Variants in WWOX observed in about 807,000 individuals in gnomAD.
The protein encoded by WWOX is WW domain containing oxidoreductase.
WWOX carries 69 observed loss-of-function variants against 46.2 expected under a neutral mutation model. The observed-to-expected ratio is 1.49, with a 90% CI of 1.23 to 1.82. The LOEUF is 1.82. Among genes scored for constraint, WWOX ranks in the 40% most tolerant of loss-of-function variants. WWOX has a pLI of 0.00. For synonymous variants in WWOX, 359 were observed against 202.6 expected (o/e 1.77, Z -6.56); for missense variants, 919 against 542.6 (o/e 1.69, Z -6.89).
intron 8 of WWOX, among the ~76,000 whole-genome samples, chr16:79,209,480 T>G (rs1245149183): frequency 2.0e-5 from 3 of 152,196 alleles, no homozygotes; most frequent in African/African-American, 4.8e-5. Context: ...TCATGACGTT[T>G]GAATGCTGAA....
At chr16:78,809,174 G>T (rs2051123312) in intron 8 of WWOX, among the ~76,000 whole-genome samples, 1 of 152,032 alleles carries the variant, frequency 6.6e-6, no homozygotes, top group Admixed American at 6.6e-5. Context: ...AGGAGAACTT[G>T]TGCAAATGTT....
chr16:79,026,101 C>A (rs1414036444), intron 8 of WWOX, among the ~76,000 whole-genome samples: 2 of 151,540 alleles, frequency 1.3e-5, no homozygotes, highest in African/African-American at 4.9e-5. Context: ...ATGCCCAGCC[C>A]CTGTTGCCCT....
At chr16:78,708,666 T>A (rs1597473074) in intron 8 of WWOX, among the ~76,000 whole-genome samples, 1 of 152,302 alleles carries the variant, frequency 6.6e-6, no homozygotes, top group South Asian at 2.1e-4. Context: ...ACCACTGGGA[T>A]TAGAACCCAG....
chr16:78,562,174 T>G (rs1476696769), intron 8 of WWOX, among the ~76,000 whole-genome samples: 1 of 152,172 alleles, frequency 6.6e-6, no homozygotes, highest in Non-Finnish European at 1.5e-5. Flanking sequence ...ATCTCTAGCT[T>G]CTCAAACTGT....
intron 5 of WWOX, among the ~76,000 whole-genome samples, chr16:78,290,230 C>T (rs1447794175): frequency 6.7e-6 from 1 of 148,844 alleles, no homozygotes; most frequent in Admixed American, 6.6e-5. Flanking sequence ...TTAGAGAGCA[C>T]TCTGCGAGCA....
intron 8 of WWOX, among the ~76,000 whole-genome samples, chr16:78,752,577 A>C (rs1217817460): frequency 6.6e-6 from 1 of 152,190 alleles, no homozygotes; most frequent in Non-Finnish European, 1.5e-5. Flanking sequence ...GGCCAAGAAT[A>C]TTCTTTCTAA....
chr16:78,886,856 T>A (rs2044469383), intron 8 of WWOX, among the ~76,000 whole-genome samples: 1 of 151,802 alleles, frequency 6.6e-6, no homozygotes, highest in Non-Finnish European at 1.5e-5. Flanking sequence ...TTTGTTAGAG[T>A]CTTATGGGAT....
rs116702482 is a variant in WWOX at position 79,090,908 on chromosome 16, C to T, written c.1057-120700C>T. 3.6e-3 allele frequency among the ~76,000 whole-genome samples: 554 copies of T among 152,318 alleles called. 6 individuals are homozygous for T. Among genetic ancestry groups the T allele is most frequent in the African/African-American group, 0.013 (532 of 41,584 alleles). The stretch of plus-strand genomic sequence containing the variant: ...TCCTGGGTTCAAACAATTGTCCTGC[C>T]TCAGCCTCCCAAGAAGTTGGGACTA... On this transcript the variant is annotated intron_variant, in intron 8 of 8. Transcript: ENST00000566780.
rs374591559 is a variant in WWOX at position 78,290,099 on chromosome 16, C to G, written c.517-96761C>G. On this transcript the variant is annotated intron_variant, in intron 5 of 8. Transcript: ENST00000566780. Reference sequence around the variant, plus strand: ...TATATATCCCTCTGCATATTTTGTGCCTTGTGATGTGTTTAACGAATGACA... The same window carrying G: ...TATATATCCCTCTGCATATTTTGTGGCTTGTGATGTGTTTAACGAATGACA... 2.5e-4 allele frequency among the ~76,000 whole-genome samples: 38 copies of G among 152,188 alleles called. No homozygotes were observed. The East Asian group carries it at 4.3e-3, about 17-fold the overall frequency.
At chr16:79,049,478 C>G (rs944121572) in intron 8 of WWOX, among the ~76,000 whole-genome samples, 3 of 152,142 alleles carry the variant, frequency 2.0e-5, no homozygotes, top group Admixed American at 2.0e-4. Flanking sequence ...ACAGCTGGGA[C>G]ACTCCACAGA....
chr16:78,767,317 G>A (rs1330677587), intron 8 of WWOX, among the ~76,000 whole-genome samples: 1 of 151,602 alleles, frequency 6.6e-6, no homozygotes, highest in South Asian at 2.1e-4. Flanking sequence ...TTTATTTTTA[G>A]TAGAGACAGA....
At chr16:78,257,182 G>GT (rs981641723) in intron 5 of WWOX, among the ~76,000 whole-genome samples, 3 of 151,960 alleles carry the variant, frequency 2.0e-5, no homozygotes, top group African/African-American at 7.3e-5. Context: ...CACATTGCCT[G>GT]TCATCTGTTG....
At chr16:78,394,256 C>G (rs1005682805) in intron 6 of WWOX, among the ~76,000 whole-genome samples, 2 of 152,148 alleles carry the variant, frequency 1.3e-5, no homozygotes, top group Admixed American at 6.5e-5. Context: ...CTTTGCTTCT[C>G]TACACAGTAT....
intron 8 of WWOX, among the ~76,000 whole-genome samples, chr16:78,497,411 T>G (rs2084944246): frequency 6.6e-6 from 1 of 152,170 alleles, no homozygotes; most frequent in Non-Finnish European, 1.5e-5. Context: ...GTCTGCACAA[T>G]GAGTGTTTTT....
chr16:78,292,794 T>G (rs2079881307), intron 5 of WWOX, among the ~76,000 whole-genome samples: 1 of 152,200 alleles, frequency 6.6e-6, no homozygotes, highest in African/African-American at 2.4e-5. Context: ...ACACAGATCT[T>G]ATTTGTAGAG....
intron 8 of WWOX, among the ~76,000 whole-genome samples, chr16:79,175,791 T>C (rs960391938): frequency 2.6e-4 from 39 of 152,172 alleles, no homozygotes; most frequent in Admixed American, 3.3e-4. Flanking sequence ...TCCAACTCTG[T>C]TTGGTCCCAA....
At chr16:79,209,922 A>C (rs554042275) in intron 8 of WWOX, among the ~76,000 whole-genome samples, 1 of 152,350 alleles carries the variant, frequency 6.6e-6, no homozygotes, top group Admixed American at 6.5e-5. Flanking sequence ...CTTGAGCCAC[A>C]CAAATCAATG....
At chr16:78,198,473 C>T (rs955403516) in intron 5 of WWOX, among the ~76,000 whole-genome samples, 3 of 152,162 alleles carry the variant, frequency 2.0e-5, no homozygotes, top group South Asian at 2.1e-4. Context: ...CTTGTTTGTT[C>T]CTTCAATAAA....
intron 8 of WWOX, among the ~76,000 whole-genome samples, chr16:79,102,189 C>G (rs528112612): frequency 1.3e-5 from 2 of 152,120 alleles, no homozygotes; most frequent in South Asian, 2.1e-4. Context: ...ATCTGAATGT[C>G]TCTTCTCAAT....
Sources: gnomAD v4.1 joint callset for allele counts (sites outside exome capture counted in the v4.1 genomes callset) on GRCh38, gnomAD v4.1.1 for gene constraint, MANE v1.5 for transcripts, NCBI Gene and HGNC (gene_info 2026-07-23, HGNC 2026-07-21) for gene names.